The following FBXL7 variants were observed in gnomAD, a reference collection of about 807,000 sequenced individuals.
FBXL7 encodes F-box/LRR-repeat protein 7.
Under a neutral mutation model 38.3 loss-of-function variants are expected in FBXL7, and 12 were observed. The ratio of observed to expected loss-of-function variants is 0.31; its 90% CI spans 0.20 to 0.51. FBXL7 has a LOEUF of 0.51. FBXL7 is among the 20% of genes least tolerant of loss of function. The pLI, the probability that FBXL7 is intolerant of heterozygous loss-of-function variation, is 0.98. For synonymous variants in FBXL7, 297 were observed against 300.9 expected, an observed-to-expected ratio of 0.99 and a Z score of 0.13; for missense variants, 567 against 676.4, an observed-to-expected ratio of 0.84 and a Z score of 1.79.
In FBXL7 at chr5:15,932,620, T is replaced by C. The variant is rs73064312; in HGVS notation, c.740-3830T>C. Among the ~76,000 whole-genome samples the C allele has an allele frequency of 8.0e-3, 1,213 of 152,306 alleles. 14 individuals carry two copies. The highest frequency in any genetic ancestry group is 0.027 in the African/African-American group (1,140 of 41,564). On this transcript the variant is annotated intron_variant, in intron 3 of 3. Coordinates refer to ENST00000504595, the MANE Select transcript of FBXL7 (RefSeq NM_012304.5). ...TTTGACTAAATCCTTTCAGACACCC[T>C]AAGTTTCACCTCATGGATACCCTAA...
intron 2 of FBXL7, among the ~76,000 whole-genome samples, chr5:15,660,491 G>A (rs1352490568): frequency 6.6e-6 from 1 of 152,096 alleles, no homozygotes; most frequent in East Asian, 1.9e-4. Flanking sequence ...CAAGTAGCTG[G>A]GATTACAGGC....
intron 3 of FBXL7, among the ~76,000 whole-genome samples, chr5:15,934,967 G>A (rs1343568088): frequency 6.6e-6 from 1 of 152,154 alleles, no homozygotes; most frequent in Non-Finnish European, 1.5e-5. Context: ...GAAAATAAAG[G>A]GGAGGAAAGC....
At chr5:15,542,958 C>T (rs1737797661) in intron 1 of FBXL7, among the ~76,000 whole-genome samples, 1 of 152,154 alleles carries the variant, frequency 6.6e-6, no homozygotes, top group African/African-American at 2.4e-5. Flanking sequence ...ATGGGGTGAT[C>T]TACCAGTTGT....
chr5:15,517,602 A>G (rs537801589), intron 1 of FBXL7, among the ~76,000 whole-genome samples: 1 of 152,296 alleles, frequency 6.6e-6, no homozygotes, highest in East Asian at 1.9e-4. Flanking sequence ...GACAGGTTCA[A>G]GTGATGATGA....
intron 2 of FBXL7, among the ~76,000 whole-genome samples, chr5:15,705,436 A>G (rs555554954): frequency 2.4e-4 from 36 of 152,258 alleles, no homozygotes; most frequent in African/African-American, 7.7e-4. Flanking sequence ...TTTGCCTCCC[A>G]TTTGTTGAGT....
chr5:15,635,691 G>A (rs1466062068), intron 2 of FBXL7, among the ~76,000 whole-genome samples: 2 of 152,170 alleles, frequency 1.3e-5, no homozygotes, highest in South Asian at 2.1e-4. Flanking sequence ...AGATGGAGAA[G>A]TAGGCAGGGG....
At chr5:15,793,339 C>T (rs1022103747) in intron 2 of FBXL7, among the ~76,000 whole-genome samples, 1 of 152,192 alleles carries the variant, frequency 6.6e-6, no homozygotes, top group African/African-American at 2.4e-5. Flanking sequence ...CCTCGCATCT[C>T]CCAGATTCTG....
intron 1 of FBXL7, chr5:15,501,866 A>ATGTGTGTGTGTGTGTGTGTGTGTGTG (rs70938014): frequency 8.9e-6 from 2 of 224,210 alleles, no homozygotes; most frequent in African/African-American, 5.0e-5. Context: ...GTGCATGTGT[A>ATGTGTGTGTGTGTGTGTGTGTGTGTG]TGTGTGTGTG....
chr5:15,816,046 A>G (rs539429084), intron 2 of FBXL7, among the ~76,000 whole-genome samples: 2 of 152,282 alleles, frequency 1.3e-5, no homozygotes, highest in Non-Finnish European at 1.5e-5. Flanking sequence ...AATTATTATA[A>G]TACAAGTTAT....
chr5:15,938,942 C>T lies in FBXL7; in HGVS notation c.*1756C>T, dbSNP rs1002933684. ...GTTGAAATCCCTCATTTATTTTCTT[C>T]TCAAAATGCCCATTATCCAAATGCA... On this transcript the variant is annotated 3_prime_UTR_variant, in exon 4 of 4. Transcript: ENST00000504595. 1 of 398,902 alleles carries T rather than the reference C, an allele frequency of 2.5e-6. No homozygotes were observed. The highest frequency in any genetic ancestry group is 2.1e-5 in the African/African-American group (1 of 48,630). 24.7% of individuals were successfully genotyped at this position (398,902 alleles called of 1,614,324 possible).
chr5:15,711,292 A>G (rs952304109), intron 2 of FBXL7, among the ~76,000 whole-genome samples: 1 of 151,766 alleles, frequency 6.6e-6, no homozygotes, highest in South Asian at 2.1e-4. Context: ...TGCAGCTGCA[A>G]CTCTTCAAGC....
chr5:15,532,823 G>A (rs1195831857), intron 1 of FBXL7, among the ~76,000 whole-genome samples: 1 of 152,214 alleles, frequency 6.6e-6, no homozygotes, highest in Non-Finnish European at 1.5e-5. Context: ...CCAAGCAGTG[G>A]CTGTAGTGGT....
At chr5:15,614,734 C>T (rs2126516899) in intron 1 of FBXL7, among the ~76,000 whole-genome samples, 1 of 152,284 alleles carries the variant, frequency 6.6e-6, no homozygotes, top group African/African-American at 2.4e-5. Flanking sequence ...TTGGCCAGGG[C>T]TAGGCTGTCC....
intron 2 of FBXL7, among the ~76,000 whole-genome samples, chr5:15,816,251 GTATATATATATATGTGTGTATA>G (rs1316310506): frequency 1.3e-5 from 2 of 150,830 alleles, no homozygotes; most frequent in African/African-American, 4.9e-5. Flanking sequence ...AATCTGGTAT[GTATATATATATATGTGTGTATA>G]TATATATATA....
intron 2 of FBXL7, among the ~76,000 whole-genome samples, chr5:15,709,785 G>T (rs577495392): frequency 1.6e-4 from 24 of 152,270 alleles, no homozygotes; most frequent in African/African-American, 5.8e-4. Flanking sequence ...CCAAGATCAA[G>T]GTGCTGGCAG....
intron 2 of FBXL7, among the ~76,000 whole-genome samples, chr5:15,768,523 T>C (rs1276537391): frequency 2.0e-5 from 3 of 148,254 alleles, no homozygotes; most frequent in Non-Finnish European, 1.5e-5. Context: ...GGAGCGAGAC[T>C]CTGTCTCAAA....
chr5:15,715,350 G>T (rs1291106065), intron 2 of FBXL7, among the ~76,000 whole-genome samples: 1 of 151,978 alleles, frequency 6.6e-6, no homozygotes, highest in Non-Finnish European at 1.5e-5. Flanking sequence ...AATTAGCTGG[G>T]CGTGATGGCA....
At chr5:15,686,689 T>C (rs1403057584) in intron 2 of FBXL7, among the ~76,000 whole-genome samples, 1 of 152,258 alleles carries the variant, frequency 6.6e-6, no homozygotes, top group African/African-American at 2.4e-5. Flanking sequence ...CAATGTAATT[T>C]AGAAGGTGAA....
chr5:15,550,132 C>A (rs1738020259), intron 1 of FBXL7, among the ~76,000 whole-genome samples: 1 of 152,186 alleles, frequency 6.6e-6, no homozygotes, highest in African/African-American at 2.4e-5. Context: ...ACTTTTCTTT[C>A]CACCTCTCAG....
Sources: allele counts gnomAD v4.1 joint callset (sites outside exome capture counted in the v4.1 genomes callset), GRCh38; gene constraint gnomAD v4.1.1; transcripts MANE v1.5; gene names NCBI Gene and HGNC (gene_info 2026-07-23, HGNC 2026-07-21).